Variants in LYSMD2 observed in about 807,000 individuals in gnomAD.
The protein encoded by LYSMD2 is LysM domain containing 2.
In LYSMD2, 6 loss-of-function variants were observed where a neutral mutation model predicts 17.7. The observed-to-expected ratio is 0.34, with a 90% confidence interval of 0.19 to 0.67. LYSMD2 has a LOEUF of 0.67. Among genes scored for constraint, LYSMD2 ranks in the 30% least tolerant of loss-of-function variants. LYSMD2 has a pLI of 0.69. For synonymous variants in LYSMD2, 102 were observed against 129.8 expected (o/e 0.79, Z 1.45); for missense variants, 237 against 286.7 (o/e 0.83, Z 1.25).
intron 1 of LYSMD2, among the ~76,000 whole-genome samples, chr15:51,725,953 A>G (rs1292120771): frequency 6.6e-6 from 1 of 152,198 alleles, no homozygotes; most frequent in African/African-American, 2.4e-5. Flanking sequence ...AAAGTACACA[A>G]CTAATGAAAT....
chr15:51,751,175 G>T, intron 1 of LYSMD2: 1 of 678,382 alleles, frequency 1.5e-6, no homozygotes, highest in Non-Finnish European at 2.7e-6. Context: ...CTTCCACCTC[G>T]CTTACCTCCT....
In LYSMD2 at chr15:51,724,984, T is replaced by C; in HGVS notation, c.411A>G (p.Glu137=). Residue 137 remains glutamate (E), a synonymous_variant, in exon 2 of 3, where the codon GAA becomes GAG. Transcript: ENST00000267838. Reference sequence around the variant, plus strand: ...CCTGAGAAAAACTGTTATCAGCAGTTTCATTTTCTGGAGAATCAATGGAGT... The same window carrying C: ...CCTGAGAAAAACTGTTATCAGCAGTCTCATTTTCTGGAGAATCAATGGAGT... ...GLNSIDSPEN[E]TADNSFSQEE... 6.2e-7 allele frequency: 1 copy of C among 1,614,162 alleles called. No individual in the cohort carries two copies. Among genetic ancestry groups the C allele is most frequent in the Non-Finnish European group, 8.5e-7 (1 of 1,179,992 alleles).
In LYSMD2 at chr15:51,723,545, T is replaced by G; in HGVS notation, c.*62A>C. On this transcript the variant is annotated 3_prime_UTR_variant, in exon 3 of 3. Coordinates refer to ENST00000267838, the MANE Select transcript of LYSMD2 (RefSeq NM_153374.3). The stretch of plus-strand genomic sequence containing the variant: ...GAAGGGATGTTTTTGAATCTTCAGT[T>G]GTTGGATTCTTTATGGTCCAAACAT... The G allele has an allele frequency of 7.6e-7, 1 of 1,317,174 alleles. No individual in the cohort carries two copies. Among genetic ancestry groups the G allele is most frequent in the Non-Finnish European group, 1.1e-6 (1 of 911,074 alleles). 81.6% of individuals were successfully genotyped at this position (1,317,174 alleles called of 1,614,324 possible).
At chr15:51,738,501 A>G (rs147667788), upstream of LYSMD2, among the ~76,000 whole-genome samples, 62 of 152,196 alleles carry the variant, frequency 4.1e-4, no homozygotes, top group African/African-American at 1.4e-3. Context: ...ATTGCTATTA[A>G]TATTATAACC....
At chr15:51,748,660 C>T (rs11070866) in intron 1 of LYSMD2, among the ~76,000 whole-genome samples, 61,752 of 151,984 alleles carry the variant, frequency 0.41, 12,695 homozygotes, top group Middle Eastern at 0.46. Flanking sequence ...ACAATATGGC[C>T]GACCCAGATT....
chr15:51,736,466 A>G (rs2055609510), intron 1 of LYSMD2, among the ~76,000 whole-genome samples: 1 of 152,218 alleles, frequency 6.6e-6, no homozygotes, highest in African/African-American at 2.4e-5. Flanking sequence ...TCTCCTTCAT[A>G]CTGATGCTCC....
At chr15:51,745,742 T>A (rs775532803) in intron 1 of LYSMD2, among the ~76,000 whole-genome samples, 14 of 152,176 alleles carry the variant, frequency 9.2e-5, no homozygotes, top group Non-Finnish European at 1.8e-4. Flanking sequence ...AAAGAACTTT[T>A]ATAAATCAAT....
Position 51,724,972 on chromosome 15 carries a change from G to T in LYSMD2, c.423C>A (p.Asn141Lys). ...CTGGCTCCTCTTCCTGAGAAAAACT[G>T]TTATCAGCAGTTTCATTTTCTGGAG... Reference protein sequence around the residue: ...IDSPENETADNSFSQEEEPVV... With the variant: ...IDSPENETADKSFSQEEEPVV... The change falls in exon 2 of 3, where the codon AAC becomes AAA. Residue 141 changes from asparagine (N) to lysine (K), a missense_variant. Asn to Lys is a moderately conservative substitution (Grantham distance 94). Transcript: ENST00000267838. 6.2e-7 allele frequency: 1 copy of T among 1,614,122 alleles called. No individual in the cohort carries two copies. Among genetic ancestry groups the T allele is most frequent in the Non-Finnish European group, 8.5e-7 (1 of 1,179,986 alleles).
intron 1 of LYSMD2, among the ~76,000 whole-genome samples, chr15:51,748,207 G>A (rs2055677875): frequency 7.0e-6 from 1 of 141,954 alleles, no homozygotes; most frequent in Non-Finnish European, 1.5e-5. Context: ...AGGTTGCAGT[G>A]AGCCAAGATC....
upstream of LYSMD2, among the ~76,000 whole-genome samples, chr15:51,740,756 CAA>C (rs1376119873): frequency 6.7e-6 from 1 of 148,754 alleles, no homozygotes; most frequent in Non-Finnish European, 1.5e-5. Context: ...ATAAATTTAA[CAA>C]GAGAAAATTG....
upstream of LYSMD2, chr15:51,737,669 C>T (rs973042417): frequency 1.2e-4 from 148 of 1,192,574 alleles, no homozygotes; most frequent in Non-Finnish European, 1.4e-4. The surrounding 1 kb of genome is among the most constrained non-coding windows in gnomAD (Gnocchi z 4.2). Context: ...AAGGGGGCGG[C>T]GCCTCCTCCT....
chr15:51,723,869 T>C (rs2055518892), intron 2 of LYSMD2, among the ~76,000 whole-genome samples: 1 of 151,906 alleles, frequency 6.6e-6, no homozygotes. Flanking sequence ...ATGTCATTCA[T>C]TTATGTATTT....
chr15:51,740,113 A>G (rs2055635590), upstream of LYSMD2, among the ~76,000 whole-genome samples: 1 of 151,956 alleles, frequency 6.6e-6, no homozygotes, highest in Non-Finnish European at 1.5e-5. Flanking sequence ...ATGTGCCACT[A>G]TGCCCGCCTA....
intron 1 of LYSMD2, among the ~76,000 whole-genome samples, chr15:51,748,422 T>G (rs2055679968): frequency 6.6e-6 from 1 of 152,194 alleles, no homozygotes; most frequent in South Asian, 2.1e-4. Flanking sequence ...CCCATCACAT[T>G]GCCTGTGGTT....
At chr15:51,740,789 GA>G (rs968474180), upstream of LYSMD2, among the ~76,000 whole-genome samples, 6 of 143,984 alleles carry the variant, frequency 4.2e-5, no homozygotes, top group East Asian at 4.0e-4. Flanking sequence ...CGTAGGAGCA[GA>G]AAAAAAAATT....
chr15:51,739,074 A>C (rs564161714), upstream of LYSMD2, among the ~76,000 whole-genome samples: 3 of 152,268 alleles, frequency 2.0e-5, no homozygotes, highest in South Asian at 6.2e-4. Context: ...GTCTGTCTCA[A>C]ATGATACATC....
chr15:51,750,489 A>G (rs897539190), intron 1 of LYSMD2, among the ~76,000 whole-genome samples: 1 of 152,204 alleles, frequency 6.6e-6, no homozygotes, highest in African/African-American at 2.4e-5. Flanking sequence ...TTCCTCCACT[A>G]CATCTGTGAA....
chr15:51,743,685 T>C (rs1359242107), intron 1 of LYSMD2, among the ~76,000 whole-genome samples: 1 of 152,230 alleles, frequency 6.6e-6, no homozygotes, highest in Non-Finnish European at 1.5e-5. Context: ...GGGATTGCAT[T>C]GAATCAATAG....
intron 1 of LYSMD2, among the ~76,000 whole-genome samples, chr15:51,735,075 G>A (rs1266470514): frequency 3.3e-5 from 5 of 152,060 alleles, no homozygotes; most frequent in Non-Finnish European, 7.4e-5. Flanking sequence ...TCAGGAGGCC[G>A]AGGTGGGAAG....
Sources: gnomAD v4.1 joint callset for allele counts (sites outside exome capture counted in the v4.1 genomes callset) on GRCh38, gnomAD v4.1.1 for gene constraint, Gnocchi (gnomAD v3.1) non-coding constraint, MANE v1.5 for transcripts, NCBI Gene and HGNC (gene_info 2026-07-23, HGNC 2026-07-21) for gene names.